EDEM3: variants seen among roughly 807,000 people sequenced by gnomAD.
EDEM3 encodes the protein ER degradation-enhancing alpha-mannosidase-like protein 3.
In EDEM3, 60 loss-of-function variants were observed where a neutral mutation model predicts 110.2. The ratio of observed to expected loss-of-function variants is 0.54; its 90% CI spans 0.44 to 0.67. The LOEUF is 0.67. Ranked by LOEUF, EDEM3 falls within the 30% of genes least tolerant of loss-of-function variation. The pLI is 0.00. For missense variants in EDEM3, 996 were observed against 1,121.0 expected, an observed-to-expected ratio of 0.89 and a Z score of 1.59; for synonymous variants, 352 against 382.9, an observed-to-expected ratio of 0.92 and a Z score of 0.94.
intron 2 of EDEM3, among the ~76,000 whole-genome samples, chr1:184,740,296 T>C (rs1267571887): frequency 6.6e-6 from 1 of 152,194 alleles, no homozygotes; most frequent in Non-Finnish European, 1.5e-5. Context: ...ATAGGATTTT[T>C]GTCAGTTATG....
intron 1 of EDEM3, among the ~76,000 whole-genome samples, chr1:184,750,156 T>C (rs184221113): frequency 4.6e-5 from 7 of 152,350 alleles, no homozygotes; most frequent in Non-Finnish European, 1.0e-4. Context: ...TTTGTCATAT[T>C]TTCAAAAGAT....
Position 184,754,047 on chromosome 1 carries a change from G to C in EDEM3, c.158+442C>G, listed in dbSNP as rs151037121. 6.8e-3 allele frequency among the ~76,000 whole-genome samples: 1,029 copies of C among 152,278 alleles called. 18 individuals carry two copies. Among genetic ancestry groups the C allele is most frequent in the African/African-American group, 0.024 (996 of 41,550 alleles). On this transcript the variant is annotated intron_variant, in intron 1 of 19. Coordinates refer to ENST00000318130, the MANE Select transcript of EDEM3 (RefSeq NM_025191.4). ...AGTTCCAATGAACGCCCCCTTTTCCGTAACAGGTGTAAACATCATTTCCTT... is the reference window on the plus strand; with the variant it reads ...AGTTCCAATGAACGCCCCCTTTTCCCTAACAGGTGTAAACATCATTTCCTT...
At chr1:184,749,642 T>G in intron 1 of EDEM3, 50 bp from the exon 2 acceptor site, 1 of 1,314,856 alleles carries the variant, frequency 7.6e-7, no homozygotes, top group Non-Finnish European at 1.0e-6. Flanking sequence ...AAGGTAAGTA[T>G]ATTCTATTTA....
rs1651191777 is a variant in EDEM3, at chr1:184,726,346, CCTGTCCGAG to C, written c.647_655del (p.Ala216_Thr218del). 1 of 1,613,714 alleles carries C rather than the reference CCTGTCCGAG, an allele frequency of 6.2e-7. No homozygotes were observed. The highest frequency in any genetic ancestry group is 1.1e-5 in the South Asian group (1 of 91,052). ...AGCTGTACAGGTATCTGTCTCAGTT[CCTGTCCGAG>C]CTTCTGGTTTTCTGATGCCAAACTT... On this transcript the variant is annotated inframe_deletion, in exon 7 of 20. Transcript: ENST00000318130.
At position 184,693,904 on chromosome 1, in the gene EDEM3, G is replaced by T; in HGVS notation, c.*159C>A. 1 of 714,324 alleles carries T rather than the reference G, an allele frequency of 1.4e-6. No individual in the cohort carries two copies. Among genetic ancestry groups the T allele is most frequent in the Non-Finnish European group, 2.2e-6 (1 of 447,406 alleles). 44.2% of individuals were successfully genotyped at this position (714,324 alleles called of 1,614,324 possible). Reference sequence around the variant, plus strand: ...AACAAGGTCAATTCTAACACAGCATGCTCCAGATTCCTACGATAACTACGC... The same window carrying T: ...AACAAGGTCAATTCTAACACAGCATTCTCCAGATTCCTACGATAACTACGC... On this transcript the variant is annotated 3_prime_UTR_variant, in exon 20 of 20. Coordinates refer to ENST00000318130, the MANE Select transcript of EDEM3 (RefSeq NM_025191.4).
At chr1:184,705,663 A>AT (rs561703315) in intron 18 of EDEM3, among the ~76,000 whole-genome samples, 23 of 151,408 alleles carry the variant, frequency 1.5e-4, no homozygotes, top group Admixed American at 3.3e-4. Flanking sequence ...TACCTGAACT[A>AT]TTTTTTTTTA....
chr1:184,714,353 CAG>C (rs1650424619), intron 13 of EDEM3, among the ~76,000 whole-genome samples: 1 of 152,160 alleles, frequency 6.6e-6, no homozygotes, highest in African/African-American at 2.4e-5. Flanking sequence ...AAATTGCTAA[CAG>C]TGGTAATCTT....
At chr1:184,751,171 T>C (rs975390361) in intron 1 of EDEM3, among the ~76,000 whole-genome samples, 6 of 150,730 alleles carry the variant, frequency 4.0e-5, no homozygotes, top group African/African-American at 1.2e-4. Flanking sequence ...TATATATATG[T>C]TTATATATAT....
At chr1:184,696,188 CTT>C (rs764760319) in intron 19 of EDEM3, among the ~76,000 whole-genome samples, 3 of 151,916 alleles carry the variant, frequency 2.0e-5, no homozygotes, top group Non-Finnish European at 2.9e-5. Flanking sequence ...CCCAAACAGA[CTT>C]TTCTTCTGTT....
At chr1:184,701,269 G>C (rs1272075646) in intron 19 of EDEM3, among the ~76,000 whole-genome samples, 1 of 151,976 alleles carries the variant, frequency 6.6e-6, no homozygotes, top group Non-Finnish European at 1.5e-5. Flanking sequence ...AGTGACTCTT[G>C]TATGGACATA....
At chr1:184,744,343 G>GA (rs1181970090) in intron 2 of EDEM3, among the ~76,000 whole-genome samples, 2 of 139,918 alleles carry the variant, frequency 1.4e-5, no homozygotes, top group East Asian at 2.1e-4. Flanking sequence ...TAATCATCAG[G>GA]AAAAATCAAA....
rs148480538 is a variant in EDEM3, at chr1:184,749,154, A to G, written c.204+393T>C. On this transcript the variant is annotated intron_variant, in intron 2 of 19. Coordinates refer to ENST00000318130, the MANE Select transcript of EDEM3 (RefSeq NM_025191.4). ...CAATTAGGACAGAGGCTAAGTAACA[A>G]TTTCTCTTTTAAGCAATGGTTTTCT... Among the ~76,000 whole-genome samples, 434 of 152,274 alleles carry G rather than the reference A, an allele frequency of 2.9e-3. 4 individuals carry two copies. The East Asian group carries it at 0.035, about 12-fold the overall frequency.
At chr1:184,750,806 C>A (rs1474943622) in intron 1 of EDEM3, among the ~76,000 whole-genome samples, 3 of 152,126 alleles carry the variant, frequency 2.0e-5, no homozygotes, top group Non-Finnish European at 4.4e-5. Flanking sequence ...AGTTACCACG[C>A]CCGGCCTATT....
At chr1:184,737,741 G>C (rs775707170) in intron 2 of EDEM3, 30 bp from the exon 3 acceptor site, 8 of 1,585,434 alleles carry the variant, frequency 5.0e-6, no homozygotes, top group Non-Finnish European at 6.9e-6. Flanking sequence ...AAGTTACTAA[G>C]GAAAATAAGC....
chr1:184,712,401 A>C lies in EDEM3; in HGVS notation c.1536+32T>G, dbSNP rs183722522. The C allele has an allele frequency of 1.3e-4, 203 of 1,548,652 alleles. 1 individual carries two copies. In the East Asian group the frequency reaches 3.8e-3, roughly 29 times the overall value. ...AAAAATAAAACATGTAGAAATAAAA[A>C]AGAGAATAAGACATTTCATTTAAAA... is the stretch of plus-strand genomic sequence containing the variant. On this transcript the variant is annotated intron_variant, in intron 14 of 19. Coordinates refer to ENST00000318130, the MANE Select transcript of EDEM3 (RefSeq NM_025191.4).
At chr1:184,731,836 T>C (rs1651537021) in intron 6 of EDEM3, among the ~76,000 whole-genome samples, 1 of 152,184 alleles carries the variant, frequency 6.6e-6, no homozygotes, top group Non-Finnish European at 1.5e-5. Flanking sequence ...TGAGATCCTG[T>C]CATTTACAAC....
At chr1:184,704,649 C>CAAAAAAAAAAAAAA (rs58913815) in intron 18 of EDEM3, among the ~76,000 whole-genome samples, 2 of 29,914 alleles carry the variant, frequency 6.7e-5, no homozygotes, top group African/African-American at 2.1e-4. Flanking sequence ...GACTCTGTCT[C>CAAAAAAAAAAAAAA]AAAAAAAAAA....
rs1019213909 is a variant in EDEM3, at chr1:184,691,111, C to A, written c.*2952G>T. 1 of 152,426 alleles carries A rather than the reference C, an allele frequency of 6.6e-6. No individual in the cohort carries two copies. The highest frequency in any genetic ancestry group is 6.6e-5 in the Admixed American group (1 of 15,252). 9.4% of individuals were successfully genotyped at this position (152,426 alleles called of 1,614,324 possible). ...TAAAGAAAAAGGGAGACGTATAATG[C>A]CAAGAGTTAATTTGTTCTGAAACAA... On this transcript the variant is annotated 3_prime_UTR_variant, in exon 20 of 20. Coordinates refer to ENST00000318130, the MANE Select transcript of EDEM3 (RefSeq NM_025191.4).
rs527808428 is a variant in EDEM3 at position 184,699,124 on chromosome 1, A to G, written c.2389+3687T>C. On this transcript the variant is annotated intron_variant, in intron 19 of 19. Coordinates refer to ENST00000318130, the MANE Select transcript of EDEM3 (RefSeq NM_025191.4). ...AGAGAAACAAAATCAGTATGTTTTA[A>G]TAATAAAAGAGGAAGTGAACCTTGG... is the stretch of plus-strand genomic sequence containing the variant. Among the ~76,000 whole-genome samples, 317 of 151,980 alleles carry G rather than the reference A, an allele frequency of 2.1e-3. 1 individual carries two copies. The highest frequency in any genetic ancestry group is 7.2e-3 in the African/African-American group (300 of 41,522).
Sources: allele counts gnomAD v4.1 joint callset (sites outside exome capture counted in the v4.1 genomes callset), GRCh38; gene constraint gnomAD v4.1.1; transcripts MANE v1.5; gene names NCBI Gene and HGNC (gene_info 2026-07-23, HGNC 2026-07-21).